The following DUSP8 variants were observed in gnomAD, a reference collection of about 807,000 sequenced individuals.
DUSP8 encodes dual specificity phosphatase 8.
Under a neutral mutation model 38.7 loss-of-function variants are expected in DUSP8, and 15 were observed. The observed-to-expected ratio is 0.39, with a 90% CI of 0.26 to 0.60. DUSP8 has a LOEUF of 0.60. Among genes scored for constraint, DUSP8 ranks in the 20% least tolerant of loss-of-function variants. The pLI is 0.56. For missense variants in DUSP8, 768 were observed against 915.0 expected (o/e 0.84, Z 2.07); for synonymous variants, 458 against 433.9 (o/e 1.06, Z -0.69).
intron 3 of DUSP8, among the ~76,000 whole-genome samples, chr11:1,561,442 A>G (rs1398796676): frequency 6.6e-6 from 1 of 152,072 alleles, no homozygotes; most frequent in Non-Finnish European, 1.5e-5. Flanking sequence ...GGGGGCCGCC[A>G]CCCCACCCAC....
rs1233902016 is a variant in DUSP8 at position 1,554,832 on chromosome 11, C to G, written c.*1686G>C. 1 of 647,326 alleles carries G rather than the reference C, an allele frequency of 1.5e-6. No individual in the cohort carries two copies. The highest frequency in any genetic ancestry group is 2.0e-5 in the African/African-American group (1 of 50,598). The allele number at this position is 647,326 out of a possible 1,614,324, so 40.1% of individuals were successfully genotyped here. On this transcript the variant is annotated 3_prime_UTR_variant, in exon 7 of 7. Transcript: ENST00000397374. ...AACCAATAATAATAAATACTTAAAC[C>G]TCTAATCCATAGATTGCAAATACAA...
At position 1,557,578 on chromosome 11, in the gene DUSP8, C is replaced by A. The variant is rs189061887; in HGVS notation, c.822-4G>T. On this transcript the variant is annotated splice_polypyrimidine_tract_variant and splice_region_variant and intron_variant, in intron 6 of 6. Transcript: ENST00000397374. This position sits in a 1 kb window ranked among gnomAD's most constrained non-coding sequence, Gnocchi z 9.9. ...CGGGCGCCTGTCCTTCACGAACCTGCGGGGGAGGAGGCTCAGTCCCAGGCG... is the reference window on the plus strand; with the variant it reads ...CGGGCGCCTGTCCTTCACGAACCTGAGGGGGAGGAGGCTCAGTCCCAGGCG... 10 of 1,568,276 alleles carry A rather than the reference C, an allele frequency of 6.4e-6. No homozygotes were observed. The highest frequency in any genetic ancestry group is 4.6e-4 in the Middle Eastern group (2 of 4,342).
rs535074815 is a variant in DUSP8, at chr11:1,556,561, T to C, written c.1835A>G (p.Gln612Arg). The C allele has an allele frequency of 1.4e-6, 2 of 1,417,176 alleles. No homozygotes were observed. The highest frequency in any genetic ancestry group is 3.0e-5 in the East Asian group (1 of 33,044). The allele number at this position is 1,417,176 out of a possible 1,614,324, so 87.8% of individuals were successfully genotyped here. A position where few individuals can be genotyped will look rare whatever the true frequency, so the allele number is the denominator to read the frequency against. Residue 612 changes from glutamine (Q) to arginine (R), a missense_variant, in exon 7 of 7, where the codon CAG becomes CGG. Transcript: ENST00000397374. The surrounding 1 kb of genome is among the most constrained non-coding windows in gnomAD (Gnocchi z 5.2). ...CTCCACGCTGCCCGAGAAGCTCGCC[T>C]GCTTGCCCAGGGCGGCCAGCTCCTC... ...RGEELAALGK[Q>R]ASFSGSVEVI... is the part of the protein sequence containing the mutation.
In DUSP8 at chr11:1,558,677, G is replaced by A. The variant is rs920491461; in HGVS notation, c.537+212C>T. Among the ~76,000 whole-genome samples, 16 of 152,190 alleles carry A rather than the reference G, an allele frequency of 1.1e-4. No homozygotes were observed. Among genetic ancestry groups the A allele is most frequent in the East Asian group, 1.9e-4 (1 of 5,148 alleles). On this transcript the variant is annotated intron_variant, in intron 4 of 6. Transcript: ENST00000397374. The surrounding 1 kb of genome is among the most constrained non-coding windows in gnomAD (Gnocchi z 6.3). ...CCCCGCTCCTCCCCCGAGCCCTGCCGGGCCCTCCCGCAAGCCCTGCTGTGG... is the reference window on the plus strand; with the variant it reads ...CCCCGCTCCTCCCCCGAGCCCTGCCAGGCCCTCCCGCAAGCCCTGCTGTGG...
chr11:1,557,188 G>A lies in DUSP8; in HGVS notation c.1208C>T (p.Ala403Val), dbSNP rs371521916. 776 of 1,482,844 alleles carry A rather than the reference G, an allele frequency of 5.2e-4. 1 individual carries two copies. Among genetic ancestry groups the A allele is most frequent in the Non-Finnish European group, 4.5e-4 (499 of 1,120,664 alleles). 91.9% of individuals were successfully genotyped at this position (1,482,844 alleles called of 1,614,324 possible). ...SFSLDIKSAY[A>V]PSRRPDGPGP... ...GGGGCCGTCGGGCCGCCTGCTAGGG[G>A]CGTAGGCAGACTTGATGTCCAGGGA... Residue 403 changes from alanine to valine, a missense_variant, in exon 7 of 7, where the codon GCC becomes GTC. This residue lies in a region of DUSP8 where 474 missense variants were observed against 430.8 expected (regional missense o/e 1.10). Coordinates refer to ENST00000397374, the MANE Select transcript of DUSP8 (RefSeq NM_004420.3). The surrounding 1 kb of genome is among the most constrained non-coding windows in gnomAD (Gnocchi z 9.9).
chr11:1,556,496 G>C lies in DUSP8; in HGVS notation c.*22C>G. 1.6e-6 allele frequency: 2 copies of C among 1,232,954 alleles called. No individual in the cohort carries two copies. Among genetic ancestry groups the C allele is most frequent in the Non-Finnish European group, 2.0e-6 (2 of 988,076 alleles). 76.4% of individuals were successfully genotyped at this position (1,232,954 alleles called of 1,614,324 possible). A position where few individuals can be genotyped will look rare whatever the true frequency, so the allele number is the denominator to read the frequency against. On this transcript the variant is annotated 3_prime_UTR_variant, in exon 7 of 7. Transcript: ENST00000397374. The surrounding 1 kb of genome is among the most constrained non-coding windows in gnomAD (Gnocchi z 5.2). ...TATAACGGGCCTGGCTGCGGGCGGC[G>C]GGGCCGAGGGCAGCGGAGGGGTCAG...
chr11:1,570,495 A>G (rs982295869), intron 1 of DUSP8, among the ~76,000 whole-genome samples: 2 of 150,848 alleles, frequency 1.3e-5, no homozygotes, highest in African/African-American at 4.8e-5. Context: ...CCCTGACTTC[A>G]GCCCCAGCCT....
chr11:1,571,732 G>A (rs1177268234), intron 1 of DUSP8, 169 bp downstream of exon 1: 2 of 151,540 alleles, frequency 1.3e-5, no homozygotes. Context: ...CCCTGTCCCT[G>A]GCGTCCTGGA....
In DUSP8 at chr11:1,566,789, C is replaced by T. The variant is rs145031651; in HGVS notation, c.-108-855G>A. Among the ~76,000 whole-genome samples, 43 of 152,252 alleles carry T rather than the reference C, an allele frequency of 2.8e-4. No individual in the cohort carries two copies. In the East Asian group the frequency reaches 7.2e-3, roughly 25 times the overall value. On this transcript the variant is annotated intron_variant, in intron 1 of 6. Coordinates refer to ENST00000397374, the MANE Select transcript of DUSP8 (RefSeq NM_004420.3). ...CTGGGAGGAGGGTCAGTGTCGGGGA[C>T]CCCGCAGGTGCCAGGCCCTCGGCAT...
chr11:1,572,239 G>C lies in DUSP8; in HGVS notation c.-447C>G, dbSNP rs1352274023. On this transcript the variant is annotated 5_prime_UTR_variant, in exon 1 of 7. Transcript: ENST00000397374. This position sits in a 1 kb window ranked among gnomAD's most constrained non-coding sequence, Gnocchi z 4.7. The stretch of plus-strand genomic sequence containing the variant: ...GGCGTCCGGCGGGGCGTCGTGGGGG[G>C]AGCCGGCTCGGCCGCCGCGCTCGGC... Among the ~76,000 whole-genome samples, 1 of 147,118 alleles carries C rather than the reference G, an allele frequency of 6.8e-6. No individual in the cohort carries two copies. The highest frequency in any genetic ancestry group is 2.5e-5 in the African/African-American group (1 of 40,790).
Position 1,565,579 on chromosome 11 carries a change from G to C in DUSP8, c.231+17C>G. On this transcript the variant is annotated intron_variant, in intron 2 of 6. Transcript: ENST00000397374. Reference sequence around the variant, plus strand: ...CCCTGGACGTGATGCATGCCTGGTGGGCAGTGGGCTGGGTACCTGGCTGCG... The same window carrying C: ...CCCTGGACGTGATGCATGCCTGGTGCGCAGTGGGCTGGGTACCTGGCTGCG... 6.3e-7 allele frequency: 1 copy of C among 1,583,858 alleles called. No individual in the cohort carries two copies. The highest frequency in any genetic ancestry group is 8.6e-7 in the Non-Finnish European group (1 of 1,159,906).
chr11:1,568,402 C>A (rs919363457), intron 1 of DUSP8, among the ~76,000 whole-genome samples: 1 of 152,120 alleles, frequency 6.6e-6, no homozygotes, highest in African/African-American at 2.4e-5. Context: ...CGGGTCCTGG[C>A]CTTTACCTGG....
chr11:1,556,451 C>T lies in DUSP8; in HGVS notation c.*67G>A, dbSNP rs1449193389. On this transcript the variant is annotated 3_prime_UTR_variant, in exon 7 of 7. Coordinates refer to ENST00000397374, the MANE Select transcript of DUSP8 (RefSeq NM_004420.3). The surrounding 1 kb of genome is among the most constrained non-coding windows in gnomAD (Gnocchi z 5.2). ...CAGTAAAACCATTTACCTTTCTTTG[C>T]ATTATATATAATATACATTTATAAC... 1.6e-6 allele frequency: 2 copies of T among 1,230,224 alleles called. No homozygotes were observed. The highest frequency in any genetic ancestry group is 4.1e-5 in the South Asian group (1 of 24,254). The allele number at this position is 1,230,224 out of a possible 1,614,324, so 76.2% of individuals were successfully genotyped here. A position where few individuals can be genotyped will look rare whatever the true frequency, so the allele number is the denominator to read the frequency against.
In DUSP8 at chr11:1,555,135, C is replaced by G. The variant is rs1848602090; in HGVS notation, c.*1383G>C. 2 of 987,706 alleles carry G rather than the reference C, an allele frequency of 2.0e-6. No homozygotes were observed. The highest frequency in any genetic ancestry group is 1.1e-4 in the East Asian group (1 of 8,814). The allele number at this position is 987,706 out of a possible 1,614,324, so 61.2% of individuals were successfully genotyped here. A position where few individuals can be genotyped will look rare whatever the true frequency, so the allele number is the denominator to read the frequency against. ...GCCCCACTCCTAGACCCTAGGACATCTGAAGGGCAGGGGTCCCAATGGCCC... is the reference window on the plus strand; with the variant it reads ...GCCCCACTCCTAGACCCTAGGACATGTGAAGGGCAGGGGTCCCAATGGCCC... On this transcript the variant is annotated 3_prime_UTR_variant, in exon 7 of 7. Transcript: ENST00000397374.
At chr11:1,566,544 C>T (rs1400708915) in intron 1 of DUSP8, among the ~76,000 whole-genome samples, 3 of 152,076 alleles carry the variant, frequency 2.0e-5, no homozygotes, top group Non-Finnish European at 4.4e-5. Context: ...CAGGCGGGTG[C>T]GGGAGGGGCT....
intron 3 of DUSP8, among the ~76,000 whole-genome samples, chr11:1,563,643 T>C (rs1848755204): frequency 6.6e-6 from 1 of 152,150 alleles, no homozygotes; most frequent in Non-Finnish European, 1.5e-5. Flanking sequence ...CCAGCTGTAC[T>C]GTGAGGTTTC....
rs1848647452 is a variant in DUSP8 at position 1,557,270 on chromosome 11, C to CA, written c.1125_1126insT (p.Gly376TrpfsTer13). 1 of 1,485,610 alleles carries CA rather than the reference C, an allele frequency of 6.7e-7. No individual in the cohort carries two copies. 92.0% of individuals were successfully genotyped at this position (1,485,610 alleles called of 1,614,324 possible). ...AGGCGGTCCGAGGAGAGGTGCAGGC[C>CA]GCGCAGGCCCTGCTGCAGTGCGCTG... is the stretch of plus-strand genomic sequence containing the variant. On this transcript the variant is annotated frameshift_variant, in exon 7 of 7. Coordinates refer to ENST00000397374, the MANE Select transcript of DUSP8 (RefSeq NM_004420.3). LOFTEE classifies it high-confidence loss of function. The surrounding 1 kb of genome is among the most constrained non-coding windows in gnomAD (Gnocchi z 9.9).
rs995479132 is a variant in DUSP8, at chr11:1,554,082, C to CA, written c.*2435dup. On this transcript the variant is annotated 3_prime_UTR_variant, in exon 7 of 7. Transcript: ENST00000397374. ...ATCCACTTTAAGCTTTATTACAACA[C>CA]ATTGTCTCCAAATACAAAGGGAGGG... 1 of 152,550 alleles carries CA rather than the reference C, an allele frequency of 6.6e-6. No homozygotes were observed. Among genetic ancestry groups the CA allele is most frequent in the Non-Finnish European group, 1.5e-5 (1 of 68,222 alleles). 9.4% of individuals were successfully genotyped at this position (152,550 alleles called of 1,614,324 possible). A position where few individuals can be genotyped will look rare whatever the true frequency, so the allele number is the denominator to read the frequency against.
chr11:1,565,613 G>T lies in DUSP8; in HGVS notation c.214C>A (p.Pro72Thr), dbSNP rs918593360. The change falls in exon 2 of 7, where the codon CCG becomes ACG. Residue 72 changes from proline to threonine, a missense_variant. Around this residue, in one of 3 missense-constraint regions of DUSP8, gnomAD observed 252 missense variants for 410.4 expected, o/e 0.61. Coordinates refer to ENST00000397374, the MANE Select transcript of DUSP8 (RefSeq NM_004420.3). ...CTGGGTACCTGGCTGCGTGCAGCCGGCTGGATGAGCTCCGCAATGGTCACC... is the reference window on the plus strand; with the variant it reads ...CTGGGTACCTGGCTGCGTGCAGCCGTCTGGATGAGCTCCGCAATGGTCACC... The part of the protein sequence containing the change: ...GKVTIAELIQ[P>T]AARSQVEATE... 6.2e-7 allele frequency: 1 copy of T among 1,605,020 alleles called. No individual in the cohort carries two copies. The highest frequency in any genetic ancestry group is 8.5e-7 in the Non-Finnish European group (1 of 1,174,858).
Sources: allele counts gnomAD v4.1 joint callset (sites outside exome capture counted in the v4.1 genomes callset), GRCh38; gene constraint gnomAD v4.1.1; regional missense constraint gnomAD v4.1.1; non-coding constraint Gnocchi (gnomAD v3.1); transcripts MANE v1.5; gene names NCBI Gene and HGNC (gene_info 2026-07-23, HGNC 2026-07-21).